SACM1L: variants seen among roughly 807,000 people sequenced by gnomAD.
SACM1L encodes phosphatidylinositol-3-phosphatase SAC1.
Under a neutral mutation model 89.5 loss-of-function variants are expected in SACM1L, and 32 were observed. That is an observed-to-expected ratio of 0.36 (90% CI 0.27 to 0.48). The LOEUF is 0.48. Among genes scored for constraint, SACM1L ranks in the 20% least tolerant of loss-of-function variants. SACM1L has a pLI of 0.99. For missense variants in SACM1L, 543 were observed against 708.5 expected (o/e 0.77, Z 2.65); for synonymous variants, 213 against 232.8 (o/e 0.92, Z 0.77).
chr3:45,707,879 AAG>A (rs1179753282), intron 4 of SACM1L, among the ~76,000 whole-genome samples: 2 of 152,104 alleles, frequency 1.3e-5, no homozygotes, highest in Non-Finnish European at 2.9e-5. Flanking sequence ...AGCACTGTTC[AAG>A]TCTCTTGATA....
Position 45,701,034 on chromosome 3 carries a change from A to T in SACM1L, c.33-2404A>T, listed in dbSNP as rs146618305. Among the ~76,000 whole-genome samples, 4 of 152,370 alleles carry T rather than the reference A, an allele frequency of 2.6e-5. No homozygotes were observed. The East Asian group carries it at 7.7e-4, about 29-fold the overall frequency. The stretch of plus-strand genomic sequence containing the variant: ...AGCAAGGAATGAAATCCTTTCCTCA[A>T]ATGAATTTTTAGATGCCTTGGTGTT... On this transcript the variant is annotated intron_variant, in intron 1 of 19. Transcript: ENST00000389061.
At position 45,744,596 on chromosome 3, in the gene SACM1L, G is replaced by C. The variant is rs1293768636; in HGVS notation, c.*927G>C. 4.6e-5 allele frequency: 7 copies of C among 152,572 alleles called. No individual in the cohort carries two copies. Among genetic ancestry groups the C allele is most frequent in the African/African-American group, 1.7e-4 (7 of 41,426 alleles). 9.5% of individuals were successfully genotyped at this position (152,572 alleles called of 1,614,324 possible). ...CTGCTTTTTCACGCATGGTACTCTT[G>C]ATGTTTTTCACTCTGTCAAGGATTT... is the stretch of plus-strand genomic sequence containing the variant. On this transcript the variant is annotated 3_prime_UTR_variant, in exon 20 of 20. Coordinates refer to ENST00000389061, the MANE Select transcript of SACM1L (RefSeq NM_014016.5).
rs1346273830 is a variant in SACM1L at position 45,739,575 on chromosome 3, T to C, written c.1570-12T>C. The C allele has an allele frequency of 1.2e-6, 2 of 1,613,552 alleles. No homozygotes were observed. Among genetic ancestry groups the C allele is most frequent in the South Asian group, 2.2e-5 (2 of 91,072 alleles). On this transcript the variant is annotated splice_polypyrimidine_tract_variant and intron_variant, in intron 18 of 19. Coordinates refer to ENST00000389061, the MANE Select transcript of SACM1L (RefSeq NM_014016.5). ...TTCTTAAATGATGATCTCTTTCTAT[T>C]GTCTTTTCCAGTTGCCTATTATCAT...
intron 10 of SACM1L, 144 bp downstream of exon 10, chr3:45,723,099 A>C: frequency 1.5e-6 from 1 of 678,488 alleles, no homozygotes. Context: ...CACATAGTAA[A>C]CCCCTAAACC....
intron 1 of SACM1L, among the ~76,000 whole-genome samples, chr3:45,700,578 G>C (rs1320243985): frequency 2.6e-5 from 4 of 152,132 alleles, no homozygotes; most frequent in Non-Finnish European, 1.5e-5. Context: ...AATAATGCCT[G>C]GAGTCCCCTC....
intron 14 of SACM1L, chr3:45,737,307 C>A (rs1261414812): frequency 4.9e-6 from 2 of 407,008 alleles, no homozygotes; most frequent in Admixed American, 4.4e-5. Context: ...AGCTTTCACT[C>A]TCTCTTCTGA....
At chr3:45,713,020 C>T (rs1165585034) in intron 5 of SACM1L, 117 bp from the exon 6 acceptor site, 3 of 716,010 alleles carry the variant, frequency 4.2e-6, no homozygotes, top group Non-Finnish European at 4.6e-6. Context: ...TTGTTTGAGG[C>T]CTGTCAAAGA....
chr3:45,737,322 C>T (rs959520070), intron 14 of SACM1L: 1 of 462,194 alleles, frequency 2.2e-6, no homozygotes. Context: ...TTCTGACCCT[C>T]TCCCTGAGTA....
chr3:45,732,325 C>T (rs1202356244), intron 13 of SACM1L, among the ~76,000 whole-genome samples, 174 bp downstream of exon 13: 1 of 152,046 alleles, frequency 6.6e-6, no homozygotes, highest in East Asian at 1.9e-4. Context: ...TTGGTGACTT[C>T]AAAATATTTT....
intron 1 of SACM1L, among the ~76,000 whole-genome samples, chr3:45,695,295 C>G (rs138634876): frequency 2.4e-3 from 362 of 151,654 alleles, no homozygotes; most frequent in African/African-American, 8.4e-3. Flanking sequence ...GGGTCTCACT[C>G]TGTTGCCCAG....
intron 10 of SACM1L, 77 bp downstream of exon 10, chr3:45,723,032 AT>A (rs1473485826): frequency 1.6e-5 from 19 of 1,188,906 alleles, no homozygotes; most frequent in Non-Finnish European, 2.1e-5. Context: ...TAAAGAATGT[AT>A]TTATTCCGCA....
intron 19 of SACM1L, among the ~76,000 whole-genome samples, chr3:45,741,088 T>C (rs1374208930): frequency 3.3e-5 from 5 of 152,236 alleles, no homozygotes; most frequent in African/African-American, 9.6e-5. Context: ...ACTTGGTGTA[T>C]TGGACGTTGG....
At position 45,738,732 on chromosome 3, in the gene SACM1L, C is replaced by A; in HGVS notation, c.1477-49C>A. 2.0e-6 allele frequency: 3 copies of A among 1,512,000 alleles called. No homozygotes were observed. In the African/African-American group the frequency reaches 4.1e-5, roughly 21 times the overall value. The allele number at this position is 1,512,000 out of a possible 1,614,324, so 93.7% of individuals were successfully genotyped here. A position where few individuals can be genotyped will look rare whatever the true frequency, so the allele number is the denominator to read the frequency against. On this transcript the variant is annotated intron_variant, in intron 17 of 19. Transcript: ENST00000389061. ...GGTTGTATCTTTGCATTGTTCATCA[C>A]TAATGTTATCTCACACTGAGTTTAC...
intron 1 of SACM1L, among the ~76,000 whole-genome samples, chr3:45,691,093 A>G (rs561414504): frequency 6.6e-6 from 1 of 152,362 alleles, no homozygotes; most frequent in Non-Finnish European, 1.5e-5. Context: ...TAAAAGAGAA[A>G]GGAAATTTGT....
At chr3:45,695,712 A>G (rs562448616) in intron 1 of SACM1L, among the ~76,000 whole-genome samples, 1 of 152,360 alleles carries the variant, frequency 6.6e-6, no homozygotes, top group Non-Finnish European at 1.5e-5. Context: ...ATTTTTAAGT[A>G]TACAGTTCAG....
intron 4 of SACM1L, among the ~76,000 whole-genome samples, chr3:45,707,931 T>C (rs772211657): frequency 1.3e-4 from 20 of 152,200 alleles, no homozygotes; most frequent in Non-Finnish European, 2.4e-4. Context: ...TCTCGGTGTT[T>C]CTAATGTTTT....
intron 2 of SACM1L, among the ~76,000 whole-genome samples, chr3:45,703,956 G>A (rs1327443429): frequency 6.6e-6 from 1 of 152,066 alleles, no homozygotes; most frequent in African/African-American, 2.4e-5. Flanking sequence ...TGACTATGTG[G>A]AAATTTAATA....
intron 7 of SACM1L, among the ~76,000 whole-genome samples, chr3:45,716,392 A>G (rs1698662291): frequency 6.6e-6 from 1 of 152,078 alleles, no homozygotes; most frequent in Non-Finnish European, 1.5e-5. Flanking sequence ...GGATCACTTG[A>G]CCCCATTTTG....
intron 19 of SACM1L, among the ~76,000 whole-genome samples, chr3:45,741,456 A>G (rs1318282896): frequency 1.3e-5 from 2 of 152,124 alleles, no homozygotes; most frequent in East Asian, 1.9e-4. Flanking sequence ...TGGATCAGCA[A>G]CTTTTTGAAG....
Sources: gnomAD v4.1 joint callset for allele counts (sites outside exome capture counted in the v4.1 genomes callset) on GRCh38, gnomAD v4.1.1 for gene constraint, MANE v1.5 for transcripts, NCBI Gene and HGNC (gene_info 2026-07-23, HGNC 2026-07-21) for gene names.